NFATC1: variants seen among roughly 807,000 people sequenced by gnomAD.
The protein encoded by NFATC1 is nuclear factor of activated T-cells, cytoplasmic 1.
A neutral mutation model predicts 76.0 loss-of-function variants in NFATC1; 22 were observed. The observed-to-expected ratio is 0.29, with a 90% CI of 0.21 to 0.41. The LOEUF (loss-of-function observed/expected upper bound fraction) is 0.41, where lower values mean the gene tolerates loss of function less well. Among genes scored for constraint, NFATC1 ranks in the 10% least tolerant of loss-of-function variants. The pLI, the probability that NFATC1 is intolerant of heterozygous loss-of-function variation, is 1.00. For missense variants in NFATC1, 1,357 were observed against 1,337.7 expected (o/e 1.01, Z -0.23); for synonymous variants, 704 against 613.1 (o/e 1.15, Z -2.19).
chr18:79,470,124 G>A (rs1016910264), intron 8 of NFATC1: 3 of 420,918 alleles, frequency 7.1e-6, no homozygotes, highest in Non-Finnish European at 9.6e-6. Context: ...CCTCCGTGCT[G>A]TGCATCTGTG....
At chr18:79,416,596 C>T (rs1437450849) in intron 2 of NFATC1, among the ~76,000 whole-genome samples, 3 of 152,344 alleles carry the variant, frequency 2.0e-5, no homozygotes, top group East Asian at 1.9e-4. Context: ...CCGAGCTTCC[C>T]GCTGCCATCA....
chr18:79,467,042 C>T (rs771558640), intron 7 of NFATC1, among the ~76,000 whole-genome samples: 4 of 152,264 alleles, frequency 2.6e-5, no homozygotes, highest in South Asian at 2.1e-4. Context: ...GTTCTGTTTA[C>T]AGCTTCTCTT....
rs531472730 is a variant in NFATC1 at position 79,491,899 on chromosome 18, GGGTC to G, written c.2782+4963_2782+4966del. Among the ~76,000 whole-genome samples, 727 of 152,278 alleles carry G rather than the reference GGGTC, an allele frequency of 4.8e-3. 6 individuals are homozygous for G. Among genetic ancestry groups the G allele is most frequent in the African/African-American group, 0.017 (691 of 41,552 alleles). On this transcript the variant is annotated intron_variant, in intron 9 of 9. Transcript: ENST00000427363. The stretch of plus-strand genomic sequence containing the variant: ...TCCGCCTGACCAGAATCAGAGCTGT[GGGTC>G]CATGAATTGAGTCACTTCAAGGTCT...
At position 79,450,972 on chromosome 18, in the gene NFATC1, C is replaced by T. The variant is rs145609469; in HGVS notation, c.1608C>T (p.Ile536=). Residue 536 remains isoleucine, a synonymous_variant, in exon 5 of 10, where the codon ATC becomes ATT. Coordinates refer to ENST00000427363, the MANE Select transcript of NFATC1 (RefSeq NM_001278669.2). ...TGGGCAGCATTGACTGTGCCGGAAT[C>T]CTGAAACTCAGAAACTCCGACATTG... ...SMRAVIDCAG[I]LKLRNSDIEL... The T allele has an allele frequency of 1.9e-5, 30 of 1,613,566 alleles. No individual in the cohort carries two copies. Among genetic ancestry groups the T allele is most frequent in the Non-Finnish European group, 2.4e-5 (28 of 1,179,910 alleles).
chr18:79,399,544 G>GC lies in NFATC1; in HGVS notation c.127+3195dup, dbSNP rs536765346. On this transcript the variant is annotated intron_variant, in intron 1 of 9. Transcript: ENST00000427363. ...CGGCGGGAGAGGCAGGCCCAGGGCG[G>GC]CCTCAGCTAAGCAGCCCGGCTTTCC... is the stretch of plus-strand genomic sequence containing the variant. Among the ~76,000 whole-genome samples the GC allele has an allele frequency of 7.6e-4, 116 of 152,384 alleles. 1 individual carries two copies. The highest frequency in any genetic ancestry group is 2.6e-3 in the African/African-American group (110 of 41,590).
At position 79,524,502 on chromosome 18, in the gene NFATC1, G is replaced by A. The variant is rs1003079374; in HGVS notation, c.2783-3026G>A. On this transcript the variant is annotated intron_variant, in intron 9 of 9. Transcript: ENST00000427363. The surrounding 1 kb of genome is among the most constrained non-coding windows in gnomAD (Gnocchi z 7.2). ...GGGTGCCTGGGCTGTGTCTGGTCCC[G>A]GCCACGCGTCCCTGCAGCGTCTGAG... Among the ~76,000 whole-genome samples the A allele has an allele frequency of 5.9e-5, 9 of 152,206 alleles. No individual in the cohort carries two copies. The highest frequency in any genetic ancestry group is 1.3e-4 in the Non-Finnish European group (9 of 68,024).
rs1435893494 is a variant in NFATC1, at chr18:79,524,955, C to T, written c.2783-2573C>T. Reference sequence around the variant, plus strand: ...CGATGGAGACCTCAGACGCCGTCCCCACCCTGTCACTGTCACCATCACCCA... The same window carrying T: ...CGATGGAGACCTCAGACGCCGTCCCTACCCTGTCACTGTCACCATCACCCA... On this transcript the variant is annotated intron_variant, in intron 9 of 9. Coordinates refer to ENST00000427363, the MANE Select transcript of NFATC1 (RefSeq NM_001278669.2). This position sits in a 1 kb window ranked among gnomAD's most constrained non-coding sequence, Gnocchi z 7.2. Among the ~76,000 whole-genome samples, 1 of 151,968 alleles carries T rather than the reference C, an allele frequency of 6.6e-6. No individual in the cohort carries two copies. The highest frequency in any genetic ancestry group is 1.5e-5 in the Non-Finnish European group (1 of 67,956).
chr18:79,521,226 GGGT>G (rs2090549209), intron 9 of NFATC1, among the ~76,000 whole-genome samples: 1 of 107,696 alleles, frequency 9.3e-6, no homozygotes, highest in African/African-American at 3.6e-5. Flanking sequence ...TGTGTGTGGG[GGGT>G]GGAGCATCCA....
At chr18:79,518,408 C>T (rs1041916671) in intron 9 of NFATC1, among the ~76,000 whole-genome samples, 2 of 152,208 alleles carry the variant, frequency 1.3e-5, no homozygotes, top group African/African-American at 2.4e-5. Flanking sequence ...GTGTAAAGGG[C>T]GATGGAGCCC....
intron 9 of NFATC1, among the ~76,000 whole-genome samples, chr18:79,500,507 A>G (rs112035505): frequency 0.059 from 9,051 of 152,230 alleles, 397 homozygotes; most frequent in Admixed American, 0.096. Flanking sequence ...AAAAAACCCA[A>G]GGCAAGTGGA....
Position 79,474,259 on chromosome 18 carries a change from C to T in NFATC1, c.2092+6677C>T, listed in dbSNP as rs1190597332. On this transcript the variant is annotated intron_variant, in intron 8 of 9. Transcript: ENST00000427363. ...GGAAGCGTGTTCTCGCGCTCACTGT[C>T]GACGTAAACCTGAGGGAAGCGTGTT... Among the ~76,000 whole-genome samples, 21 of 124,238 alleles carry T rather than the reference C, an allele frequency of 1.7e-4. 1 individual carries two copies. Among genetic ancestry groups the T allele is most frequent in the East Asian group, 5.5e-4 (2 of 3,642 alleles). The allele number at this position is 124,238 out of a possible 152,430, so 81.5% of individuals were successfully genotyped here. A position where few individuals can be genotyped will look rare whatever the true frequency, so the allele number is the denominator to read the frequency against.
intron 8 of NFATC1, chr18:79,470,133 T>A: frequency 2.7e-6 from 1 of 372,504 alleles, no homozygotes; most frequent in Non-Finnish European, 3.7e-6. Flanking sequence ...TGTGCATCTG[T>A]GTCTTGGGGT....
At chr18:79,520,265 G>A (rs181475385) in intron 9 of NFATC1, among the ~76,000 whole-genome samples, 18 of 150,218 alleles carry the variant, frequency 1.2e-4, no homozygotes, top group South Asian at 2.1e-4. Context: ...GGCAGCCCTC[G>A]CGTGGCGTTG....
intron 1 of NFATC1, among the ~76,000 whole-genome samples, chr18:79,399,766 G>T (rs986125304): frequency 1.3e-5 from 2 of 152,118 alleles, no homozygotes; most frequent in African/African-American, 4.8e-5. Context: ...CTCCTGCAGG[G>T]GGTTGCAGGC....
chr18:79,526,893 A>G (rs1317211882), intron 9 of NFATC1, among the ~76,000 whole-genome samples: 2 of 152,184 alleles, frequency 1.3e-5, no homozygotes, highest in Non-Finnish European at 2.9e-5. Context: ...CGCACGCCCC[A>G]CCAGAACCTG....
chr18:79,503,352 C>T (rs2090052981), intron 9 of NFATC1, among the ~76,000 whole-genome samples: 1 of 152,206 alleles, frequency 6.6e-6, no homozygotes, highest in South Asian at 2.1e-4. Context: ...GTGACGCTCA[C>T]ACTGTACTGA....
At chr18:79,519,631 G>A (rs2090465717) in intron 9 of NFATC1, among the ~76,000 whole-genome samples, 1 of 152,210 alleles carries the variant, frequency 6.6e-6, no homozygotes, top group South Asian at 2.1e-4. Context: ...GAGCCACCAT[G>A]CCTGGTCTTA....
Position 79,410,983 on chromosome 18 carries a change from C to G in NFATC1, c.708C>G (p.His236Gln), listed in dbSNP as rs1209690341. The G allele has an allele frequency of 6.2e-7, 1 of 1,605,156 alleles. No individual in the cohort carries two copies. The highest frequency in any genetic ancestry group is 8.5e-7 in the Non-Finnish European group (1 of 1,176,114). ...GCACACTGCTGGGTTCCCCGCGGCA[C>G]TCCCCCTCCACCTCGCCCCGCGCCA... is the stretch of plus-strand genomic sequence containing the variant. ...GACTLLGSPR[H>Q]SPSTSPRASV... Residue 236 changes from histidine to glutamine, a missense_variant, in exon 2 of 10, where the codon CAC becomes CAG. By Grantham distance (24) the His-to-Gln change is conservative (BLOSUM62 0). Coordinates refer to ENST00000427363, the MANE Select transcript of NFATC1 (RefSeq NM_001278669.2). The surrounding 1 kb of genome is among the most constrained non-coding windows in gnomAD (Gnocchi z 6.7).
intron 6 of NFATC1, among the ~76,000 whole-genome samples, chr18:79,455,382 G>A (rs562970318): frequency 0.016 from 2,379 of 144,852 alleles, 68 homozygotes; most frequent in Non-Finnish European, 0.016. Flanking sequence ...CTGGACGGCC[G>A]GCGTCTCCTT....
Sources: gnomAD v4.1 joint callset for allele counts (sites outside exome capture counted in the v4.1 genomes callset) on GRCh38, gnomAD v4.1.1 for gene constraint, Gnocchi (gnomAD v3.1) non-coding constraint, MANE v1.5 for transcripts, NCBI Gene and HGNC (gene_info 2026-07-23, HGNC 2026-07-21) for gene names.